The following ALK variants were observed in gnomAD, a reference collection of about 807,000 sequenced individuals.
The protein encoded by ALK is ALK tyrosine kinase receptor.
Under a neutral mutation model 163.1 loss-of-function variants are expected in ALK, and 74 were observed. The ratio of observed to expected loss-of-function variants is 0.45; its 90% CI spans 0.38 to 0.55. The LOEUF is 0.55. Among genes scored for constraint, ALK ranks in the 20% least tolerant of loss-of-function variants. The pLI, the probability that ALK is intolerant of heterozygous loss-of-function variation, is 0.00. For synonymous variants in ALK, 960 were observed against 843.2 expected (o/e 1.14, Z -2.40); for missense variants, 2,063 against 2,105.3 (o/e 0.98, Z 0.39).
chr2:29,623,950 G>A (rs1676116024), intron 3 of ALK, among the ~76,000 whole-genome samples: 1 of 152,222 alleles, frequency 6.6e-6, no homozygotes, highest in African/African-American at 2.4e-5. Context: ...GAATGAAAAT[G>A]TTTAAATACT....
At position 29,737,950 on chromosome 2, in the gene ALK, C is replaced by T. The variant is rs536488279; in HGVS notation, c.668-20253G>A. Among the ~76,000 whole-genome samples the T allele has an allele frequency of 3.3e-5, 5 of 152,104 alleles. No homozygotes were observed. The South Asian group carries it at 1.0e-3, about 32-fold the overall frequency. On this transcript the variant is annotated intron_variant, in intron 1 of 28. Coordinates refer to ENST00000389048, the MANE Select transcript of ALK (RefSeq NM_004304.5). ...TGAGCCAAGGTGAGCGGGAGAACAACAGGCACAAGAGAGAGCAAGAGCAAA... is the reference window on the plus strand; with the variant it reads ...TGAGCCAAGGTGAGCGGGAGAACAATAGGCACAAGAGAGAGCAAGAGCAAA...
chr2:29,210,483 A>G (rs1273192134), intron 24 of ALK, among the ~76,000 whole-genome samples: 1 of 152,158 alleles, frequency 6.6e-6, no homozygotes, highest in Non-Finnish European at 1.5e-5. Context: ...CCCAGGCTGG[A>G]GTGCAGTGGT....
chr2:29,908,489 A>T (rs1056712639), intron 1 of ALK, among the ~76,000 whole-genome samples: 1 of 152,152 alleles, frequency 6.6e-6, no homozygotes, highest in African/African-American at 2.4e-5. Flanking sequence ...CTATTCTCAA[A>T]TTACCTCCTT....
At chr2:29,399,087 A>G (rs1669381498) in intron 4 of ALK, among the ~76,000 whole-genome samples, 1 of 152,160 alleles carries the variant, frequency 6.6e-6, no homozygotes, top group Non-Finnish European at 1.5e-5. Context: ...CTGACATTAG[A>G]TAATAGTTAC....
chr2:29,534,000 T>G, intron 3 of ALK, among the ~76,000 whole-genome samples: 1 of 150,510 alleles, frequency 6.6e-6, no homozygotes, highest in Non-Finnish European at 1.5e-5. Flanking sequence ...GGAAGAGGAG[T>G]CAGGACAAAG....
intron 9 of ALK, among the ~76,000 whole-genome samples, chr2:29,288,804 T>C (rs1665929667): frequency 6.6e-6 from 1 of 151,108 alleles, no homozygotes; most frequent in South Asian, 2.1e-4. Context: ...ATACAAAAAT[T>C]AGCCAGGCGT....
At chr2:29,588,282 A>G (rs1263238911) in intron 3 of ALK, among the ~76,000 whole-genome samples, 1 of 152,028 alleles carries the variant, frequency 6.6e-6, no homozygotes, top group African/African-American at 2.4e-5. Flanking sequence ...CCCAGGCTGA[A>G]GTGAAGTGGC....
rs1013640406 is a variant in ALK at position 29,328,146 on chromosome 2, T to A, written c.1414+204A>T. On this transcript the variant is annotated intron_variant, in intron 6 of 28. Coordinates refer to ENST00000389048, the MANE Select transcript of ALK (RefSeq NM_004304.5). ...ACAAGATCTTGTTTGGTTCTTGACT[T>A]ATATGACTACGGACCAGGCTATTTC... 2.6e-5 allele frequency among the ~76,000 whole-genome samples: 4 copies of A among 152,206 alleles called. No individual in the cohort carries two copies. In the East Asian group the frequency reaches 5.8e-4, roughly 22 times the overall value.
At chr2:29,671,707 A>T (rs376743571) in intron 3 of ALK, among the ~76,000 whole-genome samples, 29 of 151,714 alleles carry the variant, frequency 1.9e-4, no homozygotes, top group African/African-American at 7.0e-4. Flanking sequence ...GAATATTTTC[A>T]CTTCTCTGTG....
At chr2:29,231,304 T>C (rs1451381476) in intron 15 of ALK, among the ~76,000 whole-genome samples, 4 of 152,214 alleles carry the variant, frequency 2.6e-5, no homozygotes, top group Non-Finnish European at 5.9e-5. Flanking sequence ...GCCACTGCAC[T>C]CCAGCCTGGT....
chr2:29,717,724 G>A, intron 1 of ALK, 27 bp from the exon 2 acceptor site: 2 of 1,613,878 alleles, frequency 1.2e-6, no homozygotes, highest in Non-Finnish European at 1.7e-6. Context: ...AGAAAACACT[G>A]ATCCATGTGC....
chr2:29,304,443 T>C (rs1162709638), intron 8 of ALK, among the ~76,000 whole-genome samples: 2 of 143,596 alleles, frequency 1.4e-5, no homozygotes, highest in Non-Finnish European at 3.0e-5. Context: ...TGTAGTGAGC[T>C]GAGATGGTGC....
intron 3 of ALK, among the ~76,000 whole-genome samples, chr2:29,591,216 A>G (rs1302865351): frequency 6.6e-6 from 1 of 152,136 alleles, no homozygotes; most frequent in Non-Finnish European, 1.5e-5. Context: ...CCATATTAAA[A>G]CAAAACACCA....
intron 3 of ALK, among the ~76,000 whole-genome samples, chr2:29,605,824 T>C (rs1453669265): frequency 6.6e-6 from 1 of 152,196 alleles, no homozygotes; most frequent in Non-Finnish European, 1.5e-5. Context: ...TTGTGAGTGT[T>C]CCTTCTGTAG....
chr2:29,641,049 T>C lies in ALK; in HGVS notation c.952+53801A>G, dbSNP rs375341557. ...GTATAGTGCTTGGCGGGGGCAGTGA[T>C]GGTGAGGGGAAGAAGAGGAACAGCT... On this transcript the variant is annotated intron_variant, in intron 3 of 28. Transcript: ENST00000389048. Among the ~76,000 whole-genome samples, 4 of 151,762 alleles carry C rather than the reference T, an allele frequency of 2.6e-5. No individual in the cohort carries two copies. The East Asian group carries it at 7.7e-4, about 29-fold the overall frequency.
intron 3 of ALK, among the ~76,000 whole-genome samples, chr2:29,533,013 G>T (rs538379018): frequency 6.6e-6 from 1 of 152,186 alleles, no homozygotes; most frequent in African/African-American, 2.4e-5. Context: ...CTAGCAGCCT[G>T]CAATAAACAA....
rs144863955 is a variant in ALK, at chr2:29,454,875, A to C, written c.1155-71016T>G. On this transcript the variant is annotated intron_variant, in intron 4 of 28. Transcript: ENST00000389048. ...ACTATTAAAGTTATATACTATTAAAATTAAAGTTCTATACTCCCTTAGTTG... is the reference window on the plus strand; with the variant it reads ...ACTATTAAAGTTATATACTATTAAACTTAAAGTTCTATACTCCCTTAGTTG... 1.9e-3 allele frequency among the ~76,000 whole-genome samples: 293 copies of C among 152,282 alleles called. 1 individual carries two copies. The highest frequency in any genetic ancestry group is 2.8e-3 in the Non-Finnish European group (193 of 68,014).
intron 1 of ALK, among the ~76,000 whole-genome samples, chr2:29,793,031 T>G (rs1455237823): frequency 2.6e-5 from 4 of 152,188 alleles, no homozygotes; most frequent in Non-Finnish European, 2.9e-5. Flanking sequence ...TGATAGCATT[T>G]TGCCCACAGT....
chr2:29,429,281 A>G (rs923300699), intron 4 of ALK, among the ~76,000 whole-genome samples: 19 of 152,014 alleles, frequency 1.2e-4, no homozygotes, highest in Non-Finnish European at 2.4e-4. Context: ...ATAAATAAAT[A>G]AAAAGCAACC....
Sources: gnomAD v4.1 joint callset for allele counts (sites outside exome capture counted in the v4.1 genomes callset) on GRCh38, gnomAD v4.1.1 for gene constraint, MANE v1.5 for transcripts, NCBI Gene and HGNC (gene_info 2026-07-23, HGNC 2026-07-21) for gene names.